ARHGAP24: variants seen among roughly 807,000 people sequenced by gnomAD.
ARHGAP24 encodes Rho GTPase activating protein 24, also known as rho GTPase-activating protein 24.
A neutral mutation model predicts 76.4 loss-of-function variants in ARHGAP24; 50 were observed. That is an observed-to-expected ratio of 0.65 (90% CI 0.52 to 0.83). The LOEUF (loss-of-function observed/expected upper bound fraction) is 0.83. Among genes scored for constraint, ARHGAP24 ranks in the 40% least tolerant of loss-of-function variants. The pLI, the probability that ARHGAP24 is intolerant of heterozygous loss-of-function variation, is 0.00. For synonymous variants in ARHGAP24, 345 were observed against 323.3 expected, an observed-to-expected ratio of 1.07 and a Z score of -0.72; for missense variants, 930 against 914.2, an observed-to-expected ratio of 1.02 and a Z score of -0.22.
chr4:85,494,831 G>A (rs1723496000), intron 1 of ARHGAP24, among the ~76,000 whole-genome samples: 1 of 151,806 alleles, frequency 6.6e-6, no homozygotes, highest in Non-Finnish European at 1.5e-5. Context: ...GGGCGCGATG[G>A]CTCACGCCTG....
At chr4:85,704,208 C>T (rs1307297540) in intron 2 of ARHGAP24, among the ~76,000 whole-genome samples, 5 of 152,096 alleles carry the variant, frequency 3.3e-5, no homozygotes, top group African/African-American at 7.2e-5. Flanking sequence ...GGTTGTACCC[C>T]ATTTGTCAGA....
intron 3 of ARHGAP24, among the ~76,000 whole-genome samples, chr4:85,868,419 G>A (rs576770280): frequency 6.6e-6 from 1 of 152,258 alleles, no homozygotes; most frequent in South Asian, 2.1e-4. Context: ...GATCTGGCAA[G>A]GGAAGAGGAT....
intron 8 of ARHGAP24, among the ~76,000 whole-genome samples, chr4:85,985,179 G>A (rs534892088): frequency 5.9e-5 from 9 of 152,202 alleles, no homozygotes; most frequent in East Asian, 3.9e-4. Flanking sequence ...AGACACATGC[G>A]TATGTATGTT....
chr4:85,983,983 A>G (rs1739837296), intron 8 of ARHGAP24, among the ~76,000 whole-genome samples: 1 of 152,356 alleles, frequency 6.6e-6, no homozygotes, highest in South Asian at 2.1e-4. Flanking sequence ...TGCTTTATGC[A>G]ATGCTCATCA....
chr4:85,938,174 A>G (rs1736759009), intron 4 of ARHGAP24, among the ~76,000 whole-genome samples: 1 of 152,210 alleles, frequency 6.6e-6, no homozygotes, highest in African/African-American at 2.4e-5. Context: ...TCTAGTGAAA[A>G]GTCACATCCT....
intron 8 of ARHGAP24, among the ~76,000 whole-genome samples, chr4:85,984,664 C>T (rs377360607): frequency 2.0e-5 from 3 of 152,024 alleles, no homozygotes; most frequent in African/African-American, 4.8e-5. Context: ...TCAATGATGT[C>T]GGGGCATATA....
At chr4:85,571,812 T>C (rs1727150261) in intron 2 of ARHGAP24, among the ~76,000 whole-genome samples, 1 of 152,178 alleles carries the variant, frequency 6.6e-6, no homozygotes, top group Admixed American at 6.5e-5. Context: ...ATGAGGTAGG[T>C]ATTGTTAACT....
intron 3 of ARHGAP24, among the ~76,000 whole-genome samples, chr4:85,872,599 T>TG (rs1732600444): frequency 1.5e-5 from 2 of 137,828 alleles, no homozygotes; most frequent in South Asian, 5.2e-4. Flanking sequence ...TCTGGCCTTT[T>TG]TTTTTTTTTT....
chr4:85,480,223 C>T (rs905622357), intron 1 of ARHGAP24, among the ~76,000 whole-genome samples: 5 of 152,020 alleles, frequency 3.3e-5, no homozygotes, highest in East Asian at 1.9e-4. Context: ...TTATGTTATG[C>T]GTTTCAAATT....
In ARHGAP24 at chr4:85,531,643, T is replaced by C. The variant is rs372854881; in HGVS notation, c.-20-38879T>C. ...CTGTGCTTTAAATGTAAAATAACTA[T>C]GCAGAGTATATCACTTTGTATTTTC... On this transcript the variant is annotated intron_variant, in intron 1 of 9. Transcript: ENST00000395184. Among the ~76,000 whole-genome samples the C allele has an allele frequency of 6.6e-5, 10 of 152,124 alleles. No individual in the cohort carries two copies. In the East Asian group the frequency reaches 1.7e-3, roughly 26 times the overall value.
At chr4:85,648,984 A>ACTT (rs989343730) in intron 2 of ARHGAP24, among the ~76,000 whole-genome samples, 2 of 150,168 alleles carry the variant, frequency 1.3e-5, no homozygotes, top group African/African-American at 4.9e-5. Context: ...TGCATTCAGA[A>ACTT]CTTTGGGTTA....
intron 3 of ARHGAP24, among the ~76,000 whole-genome samples, chr4:85,804,122 A>G (rs1728692843): frequency 3.3e-5 from 5 of 151,880 alleles, no homozygotes; most frequent in South Asian, 2.1e-4. Flanking sequence ...TGTATTGACA[A>G]ATTCCTTAAA....
intron 2 of ARHGAP24, among the ~76,000 whole-genome samples, chr4:85,575,849 C>T (rs769978541): frequency 7.2e-5 from 11 of 152,090 alleles, no homozygotes; most frequent in Non-Finnish European, 1.3e-4. Context: ...TCTGACATAC[C>T]CCTGTGCTAG....
At chr4:85,613,955 A>G (rs1449001237) in intron 2 of ARHGAP24, among the ~76,000 whole-genome samples, 9 of 152,296 alleles carry the variant, frequency 5.9e-5, no homozygotes, top group Admixed American at 4.6e-4. Flanking sequence ...TGAGAAATTG[A>G]GGAGATATCC....
chr4:85,529,071 T>C (rs1725142492), intron 1 of ARHGAP24, among the ~76,000 whole-genome samples: 1 of 152,056 alleles, frequency 6.6e-6, no homozygotes, highest in African/African-American at 2.4e-5. Flanking sequence ...ATTCTTCTCA[T>C]GTATATCCAG....
chr4:85,575,148 C>A (rs1311467256), intron 2 of ARHGAP24, among the ~76,000 whole-genome samples: 2 of 151,978 alleles, frequency 1.3e-5, no homozygotes, highest in African/African-American at 4.8e-5. Flanking sequence ...TTAAAAAAAG[C>A]AGCTTTAGTT....
chr4:85,562,868 A>T (rs1009619452), intron 1 of ARHGAP24, among the ~76,000 whole-genome samples: 6 of 152,214 alleles, frequency 3.9e-5, no homozygotes, highest in Non-Finnish European at 8.8e-5. Context: ...TTCAATGTTG[A>T]ACTATCATTG....
chr4:85,502,852 G>A (rs2110100309), intron 1 of ARHGAP24, among the ~76,000 whole-genome samples: 1 of 152,186 alleles, frequency 6.6e-6, no homozygotes, highest in East Asian at 1.9e-4. Context: ...TATTGGCTTT[G>A]TTTGTCATAA....
At chr4:85,541,153 T>G (rs1285319525) in intron 1 of ARHGAP24, among the ~76,000 whole-genome samples, 3 of 106,370 alleles carry the variant, frequency 2.8e-5, no homozygotes, top group African/African-American at 5.8e-5. Context: ...TTTTTTTTTT[T>G]TTTTTTTTTT....
Sources: gnomAD v4.1 joint callset for allele counts (sites outside exome capture counted in the v4.1 genomes callset) on GRCh38, gnomAD v4.1.1 for gene constraint, MANE v1.5 for transcripts, NCBI Gene and HGNC (gene_info 2026-07-23, HGNC 2026-07-21) for gene names.